Variants in CSNK1G1 observed in about 807,000 individuals in gnomAD.
CSNK1G1 encodes casein kinase I isoform gamma-1.
Under a neutral mutation model 59.6 loss-of-function variants are expected in CSNK1G1, and 22 were observed. That is an observed-to-expected ratio of 0.37 (90% CI 0.26 to 0.53). CSNK1G1 has a LOEUF of 0.53. Ranked by LOEUF, CSNK1G1 falls within the 20% of genes least tolerant of loss-of-function variation. CSNK1G1 has a pLI of 0.89. For synonymous variants in CSNK1G1, 179 were observed against 177.1 expected (o/e 1.01, Z -0.08); for missense variants, 384 against 519.5 (o/e 0.74, Z 2.54).
intron 3 of CSNK1G1, among the ~76,000 whole-genome samples, chr15:64,257,444 C>CAGAAAA (rs1338473149): frequency 4.6e-5 from 7 of 151,966 alleles, no homozygotes; most frequent in Non-Finnish European, 7.4e-5. Flanking sequence ...AATAATAAAA[C>CAGAAAA]AGAAAAAGTA....
chr15:64,277,528 GT>G (rs1341509036), intron 2 of CSNK1G1, among the ~76,000 whole-genome samples: 1 of 141,378 alleles, frequency 7.1e-6, no homozygotes, highest in Non-Finnish European at 1.5e-5. Context: ...CCTGCTACAA[GT>G]TTTCATATTG....
intron 3 of CSNK1G1, among the ~76,000 whole-genome samples, chr15:64,255,136 G>T (rs1273269521): frequency 6.6e-6 from 1 of 152,048 alleles, no homozygotes; most frequent in Admixed American, 6.5e-5. Context: ...GAGTGCAATG[G>T]CACAATCTCA....
intron 2 of CSNK1G1, among the ~76,000 whole-genome samples, chr15:64,263,346 G>A (rs1892800380): frequency 6.6e-6 from 1 of 151,818 alleles, no homozygotes; most frequent in Non-Finnish European, 1.5e-5. Flanking sequence ...GCGCCAACAT[G>A]ACCAACTAGT....
chr15:64,174,618 G>T (rs1162470145), intron 11 of CSNK1G1, among the ~76,000 whole-genome samples: 1 of 152,204 alleles, frequency 6.6e-6, no homozygotes, highest in African/African-American at 2.4e-5. Context: ...TAGATGACAA[G>T]AAGTTCTCAA....
chr15:64,193,720 G>C (rs536897485), intron 10 of CSNK1G1, among the ~76,000 whole-genome samples: 7 of 152,254 alleles, frequency 4.6e-5, no homozygotes, highest in Non-Finnish European at 1.0e-4. Context: ...CCAGAGACGA[G>C]AGTATCAATT....
rs899589521 is a variant in CSNK1G1 at position 64,169,768 on chromosome 15, A to G, written c.*2163T>C. 1 of 152,182 alleles carries G rather than the reference A, an allele frequency of 6.6e-6. No homozygotes were observed. The highest frequency in any genetic ancestry group is 1.5e-5 in the Non-Finnish European group (1 of 68,040). 9.4% of individuals were successfully genotyped at this position (152,182 alleles called of 1,614,324 possible). ...CTGCCACTTTATGTTTCATATATAG[A>G]AACATTTATAGAAATGACATATTAC... On this transcript the variant is annotated 3_prime_UTR_variant, in exon 12 of 12. Coordinates refer to ENST00000303052, the MANE Select transcript of CSNK1G1 (RefSeq NM_022048.5).
intron 1 of CSNK1G1, among the ~76,000 whole-genome samples, chr15:64,351,527 C>T (rs1400899061): frequency 6.6e-6 from 1 of 152,168 alleles, no homozygotes; most frequent in African/African-American, 2.4e-5. Context: ...TCATTGCACA[C>T]AATTAAGATA....
intron 1 of CSNK1G1, among the ~76,000 whole-genome samples, chr15:64,315,415 A>G (rs896192714): frequency 1.3e-5 from 2 of 152,208 alleles, no homozygotes; most frequent in Non-Finnish European, 2.9e-5. Flanking sequence ...GAAGACATTT[A>G]AGAATGGTAC....
chr15:64,253,634 T>G (rs142144270), intron 3 of CSNK1G1, among the ~76,000 whole-genome samples: 90 of 152,346 alleles, frequency 5.9e-4, no homozygotes, highest in African/African-American at 2.1e-3. Context: ...ATAGCATTAT[T>G]ATGCACAATA....
chr15:64,179,069 G>A (rs982342900), intron 11 of CSNK1G1, among the ~76,000 whole-genome samples: 42 of 152,038 alleles, frequency 2.8e-4, no homozygotes, highest in African/African-American at 1.0e-3. Flanking sequence ...CTTCTTGAAG[G>A]TAAAATGAGT....
At chr15:64,316,139 A>G (rs1596266557) in intron 1 of CSNK1G1, among the ~76,000 whole-genome samples, 1 of 151,808 alleles carries the variant, frequency 6.6e-6, no homozygotes, top group Non-Finnish European at 1.5e-5. Context: ...CAATCCTCCA[A>G]CCCCAGCCTC....
At chr15:64,233,180 T>C (rs1259320474) in intron 4 of CSNK1G1, among the ~76,000 whole-genome samples, 1 of 152,184 alleles carries the variant, frequency 6.6e-6, no homozygotes, top group Non-Finnish European at 1.5e-5. Context: ...CTTTGCAAAA[T>C]GATGCGCTGA....
chr15:64,259,020 T>C (rs961977099), intron 3 of CSNK1G1, 181 bp downstream of exon 3: 4 of 531,276 alleles, frequency 7.5e-6, no homozygotes, highest in South Asian at 2.8e-5. Flanking sequence ...TATAGTGTTA[T>C]ATAGTATACA....
chr15:64,242,058 T>C (rs757730581), intron 4 of CSNK1G1, among the ~76,000 whole-genome samples: 6 of 152,084 alleles, frequency 3.9e-5, no homozygotes, highest in Non-Finnish European at 7.4e-5. Context: ...AAAGAATCAT[T>C]AGAGACTACT....
chr15:64,199,737 C>G (rs1167037560), intron 10 of CSNK1G1, among the ~76,000 whole-genome samples: 1 of 152,098 alleles, frequency 6.6e-6, no homozygotes, highest in South Asian at 2.1e-4. Context: ...CCTGCAGTCC[C>G]AGCTACTCGG....
intron 11 of CSNK1G1, among the ~76,000 whole-genome samples, chr15:64,172,951 C>A (rs1361649376): frequency 3.3e-5 from 5 of 152,054 alleles, no homozygotes; most frequent in Admixed American, 3.3e-4. Context: ...GCAAGGTGTA[C>A]AAGATATGTC....
At chr15:64,173,614 CTTTTCTTTTTTTTTTTTTTTTTTT>C (rs2081702835) in intron 11 of CSNK1G1, among the ~76,000 whole-genome samples, 1 of 133,724 alleles carries the variant, frequency 7.5e-6, no homozygotes, top group Non-Finnish European at 1.6e-5. Context: ...TCTTTCTTTT[CTTTTCTTTTTTTTTTTTTTTTTTT>C]TTGAGACTGA....
Position 64,297,865 on chromosome 15 carries a change from G to A in CSNK1G1, c.181+2454C>T, listed in dbSNP as rs528241910. On this transcript the variant is annotated intron_variant, in intron 2 of 11. Transcript: ENST00000303052. The stretch of plus-strand genomic sequence containing the variant: ...TTTTGTAGTTTACAATCTTCTCCTC[G>A]CTAATATTAGAACAAGAAAATGACG... Among the ~76,000 whole-genome samples the A allele has an allele frequency of 1.7e-3, 258 of 152,172 alleles. 2 individuals carry two copies. The highest frequency in any genetic ancestry group is 1.3e-3 in the African/African-American group (53 of 41,492).
At chr15:64,300,788 T>C in intron 1 of CSNK1G1, 65 bp from the exon 2 acceptor site, 1 of 1,010,832 alleles carries the variant, frequency 9.9e-7, no homozygotes, top group Non-Finnish European at 1.3e-6. Context: ...AGAAAGTCAC[T>C]ACCAATTAGA....
Sources: allele counts gnomAD v4.1 joint callset (sites outside exome capture counted in the v4.1 genomes callset), GRCh38; gene constraint gnomAD v4.1.1; transcripts MANE v1.5; gene names NCBI Gene and HGNC (gene_info 2026-07-23, HGNC 2026-07-21).